The following CIDEB variants were observed in gnomAD, a reference collection of about 807,000 sequenced individuals.
CIDEB encodes cell death inducing DFFA like effector b.
A neutral mutation model predicts 22.4 loss-of-function variants in CIDEB; 27 were observed. The observed-to-expected ratio is 1.21, with a 90% CI of 0.89 to 1.66. The LOEUF (loss-of-function observed/expected upper bound fraction) is 1.66. Among genes scored for constraint, CIDEB ranks in the 40% most tolerant of loss-of-function variants. The probability of loss-of-function intolerance (pLI) is 0.00; values close to 1 mark genes in which losing one functional copy is unlikely to be tolerated. For synonymous variants in CIDEB, 103 were observed against 109.5 expected (o/e 0.94, Z 0.37); for missense variants, 289 against 268.7 (o/e 1.08, Z -0.53).
upstream of CIDEB, chr14:24,310,988 C>A (rs1234384106): frequency 2.5e-6 from 4 of 1,589,498 alleles, no homozygotes; most frequent in Admixed American, 5.1e-5. Flanking sequence ...TGTACGCCAG[C>A]GTGCTGCTCA....
upstream of CIDEB, chr14:24,310,828 C>T (rs1243325264): frequency 1.3e-6 from 2 of 1,592,352 alleles, no homozygotes; most frequent in South Asian, 1.1e-5. Flanking sequence ...CGGGGGCGAC[C>T]GCTGGCGGCC....
upstream of CIDEB, chr14:24,310,772 T>C (rs780034814): frequency 8.1e-6 from 13 of 1,607,614 alleles, no homozygotes; most frequent in Non-Finnish European, 1.1e-5. Context: ...TGGGGCTGCC[T>C]GGCAACGGCT....
chr14:24,310,904 C>T (rs781108450), upstream of CIDEB: 52 of 1,592,974 alleles, frequency 3.3e-5, no homozygotes, highest in African/African-American at 5.4e-4. Flanking sequence ...TCTTTGTGGC[C>T]TTCCTGACCC....
At position 24,306,384 on chromosome 14, in the gene CIDEB, C is replaced by G. The variant is rs1453230836; in HGVS notation, c.326G>C (p.Ser109Thr). 2 of 1,614,246 alleles carry G rather than the reference C, an allele frequency of 1.2e-6. No individual in the cohort carries two copies. Among genetic ancestry groups the G allele is most frequent in the Admixed American group, 1.7e-5 (1 of 60,030 alleles). ...LMVLQSGQSW[S>T]PTRSGVLSYG... ...GTATAGGCCTCTTACCCTTGTAGGG[C>G]TCCAGCTCTGACCAGACTGCAACAC... The change falls in exon 3 of 5, where the codon AGC (serine) becomes ACC (threonine). Residue 109 changes from serine to threonine, a missense_variant. Transcript: ENST00000554411.
intron 2 of CIDEB, 41 bp from the exon 3 acceptor site, chr14:24,306,564 A>G: frequency 6.2e-7 from 1 of 1,612,996 alleles, no homozygotes; most frequent in Non-Finnish European, 8.5e-7. Flanking sequence ...GTCTTATCCC[A>G]TGCCCCTTCC....
upstream of CIDEB, chr14:24,311,316 C>T: frequency 6.3e-7 from 1 of 1,597,010 alleles, no homozygotes; most frequent in Non-Finnish European, 8.5e-7. Context: ...CTCCGGGCGG[C>T]ACGGGGCGCG....
At chr14:24,310,893 C>G (rs750523167), upstream of CIDEB, 26 of 1,593,044 alleles carry the variant, frequency 1.6e-5, no homozygotes, top group Non-Finnish European at 2.0e-5. Context: ...GCTCACGCCG[C>G]TCTTTGTGGC....
chr14:24,311,096 G>C (rs1460142099), upstream of CIDEB: 1 of 1,563,730 alleles, frequency 6.4e-7, no homozygotes, highest in South Asian at 1.2e-5. Context: ...TGCTGCTGGC[G>C]GTCTGGCTGG....
At chr14:24,310,598 G>A, upstream of CIDEB, 1 of 1,502,672 alleles carries the variant, frequency 6.7e-7, no homozygotes, top group South Asian at 1.1e-5. Context: ...GGGCATCACA[G>A]GTGGGGTTTT....
upstream of CIDEB, chr14:24,310,780 G>C (rs1393456312): frequency 2.5e-6 from 4 of 1,606,754 alleles, no homozygotes; most frequent in African/African-American, 5.4e-5. Context: ...CCTGGCAACG[G>C]CTTCGTGGTG....
chr14:24,305,907 A>G (rs374035938), intron 4 of CIDEB, 40 bp downstream of exon 4: 27 of 1,597,186 alleles, frequency 1.7e-5, no homozygotes, highest in Non-Finnish European at 2.3e-5. Context: ...GGACTATCCA[A>G]CTGTAGGGGA....
intron 2 of CIDEB, chr14:24,306,747 G>C: frequency 1.8e-6 from 1 of 568,704 alleles, no homozygotes; most frequent in South Asian, 2.1e-5. Context: ...CATGTCATTG[G>C]CATCTCCCCT....
rs1287811600 is a variant in CIDEB at position 24,305,699 on chromosome 14, G to C, written c.594C>G (p.Ser198=). The C allele has an allele frequency of 3.7e-6, 6 of 1,614,212 alleles. No individual in the cohort carries two copies. Among genetic ancestry groups the C allele is most frequent in the Non-Finnish European group, 5.1e-6 (6 of 1,180,034 alleles). ...CCCCCTCCACTGCATGACGAAGGGT[G>C]GAGGAAATTCCCAGCAACATATGGC... is the stretch of plus-strand genomic sequence containing the variant. The part of the protein sequence containing the change: ...GLGHMLLGIS[S]TLRHAVEGAE... Residue 198 remains serine (S), a synonymous_variant, in exon 5 of 5, where the codon TCC becomes TCG. Coordinates refer to ENST00000554411, the MANE Select transcript of CIDEB (RefSeq NM_001393339.1).
upstream of CIDEB, chr14:24,311,379 C>G: frequency 1.9e-6 from 3 of 1,603,360 alleles, no homozygotes; most frequent in Non-Finnish European, 2.5e-6. Flanking sequence ...GCTCTGGGCC[C>G]CCTACCACGC....
At chr14:24,310,295 C>A (rs2041646949), upstream of CIDEB, 1 of 583,334 alleles carries the variant, frequency 1.7e-6, no homozygotes, top group South Asian at 2.1e-5. Flanking sequence ...CCCCACCATC[C>A]AGTTTTGCCC....
upstream of CIDEB, chr14:24,310,674 T>G (rs1292533377): frequency 6.2e-7 from 1 of 1,614,070 alleles, no homozygotes. Flanking sequence ...GATGTCGGTC[T>G]GCTACCGTCC....
upstream of CIDEB, chr14:24,311,147 C>A (rs1009611603): frequency 3.7e-6 from 6 of 1,600,306 alleles, no homozygotes; most frequent in Non-Finnish European, 5.1e-6. Flanking sequence ...TCTACCGCCA[C>A]CTGTGGAGGG....
At position 24,305,595 on chromosome 14, in the gene CIDEB, C is replaced by T. The variant is rs368438785; in HGVS notation, c.*38G>A. The T allele has an allele frequency of 1.9e-5, 30 of 1,591,992 alleles. No individual in the cohort carries two copies. Among genetic ancestry groups the T allele is most frequent in the African/African-American group, 1.1e-4 (8 of 74,200 alleles). ...TGCTGTCATAGTCTTTGCAGTGGGTCGGTTGGAATGATTCTGGGGGCAGAA... is the reference window on the plus strand; with the variant it reads ...TGCTGTCATAGTCTTTGCAGTGGGTTGGTTGGAATGATTCTGGGGGCAGAA... On this transcript the variant is annotated 3_prime_UTR_variant, in exon 5 of 5. Coordinates refer to ENST00000554411, the MANE Select transcript of CIDEB (RefSeq NM_001393339.1).
chr14:24,308,309 G>A (rs2041584744), upstream of CIDEB: 1 of 224,280 alleles, frequency 4.5e-6, no homozygotes, highest in African/African-American at 2.3e-5. Flanking sequence ...TGCAGCTTTA[G>A]GAAAAGGGAA....
Sources: gnomAD v4.1 joint callset for allele counts on GRCh38, gnomAD v4.1.1 for gene constraint, MANE v1.5 for transcripts, NCBI Gene and HGNC (gene_info 2026-07-23, HGNC 2026-07-21) for gene names.